Variants in CLVS1 observed in about 807,000 individuals in gnomAD.
CLVS1 encodes the protein clavesin-1.
Under a neutral mutation model 33.1 loss-of-function variants are expected in CLVS1, and 10 were observed. The observed-to-expected ratio is 0.30, with a 90% CI of 0.19 to 0.51. CLVS1 has a LOEUF of 0.51. CLVS1 is among the 20% of genes least tolerant of loss of function. The pLI is 0.97. For missense variants in CLVS1, 343 were observed against 433.4 expected (o/e 0.79, Z 1.85); for synonymous variants, 163 against 166.1 (o/e 0.98, Z 0.14).
chr8:61,204,567 G>A (rs186824318), intron 2 of CLVS1, among the ~76,000 whole-genome samples: 1 of 152,268 alleles, frequency 6.6e-6, no homozygotes, highest in African/African-American at 2.4e-5. Context: ...AAAGCATAAT[G>A]AGACTTCCTA....
intron 2 of CLVS1, among the ~76,000 whole-genome samples, chr8:61,171,101 T>C (rs184932398): frequency 6.6e-6 from 1 of 152,304 alleles, no homozygotes; most frequent in African/African-American, 2.4e-5. Context: ...GTTTCGCAGC[T>C]TTCTGTTAGT....
At chr8:61,144,635 G>A (rs1216986004) in intron 2 of CLVS1, among the ~76,000 whole-genome samples, 1 of 152,162 alleles carries the variant, frequency 6.6e-6, no homozygotes, top group East Asian at 1.9e-4. Flanking sequence ...TCGCCACACT[G>A]TCTTCCACAA....
intron 2 of CLVS1, among the ~76,000 whole-genome samples, chr8:61,324,686 G>T (rs555645915): frequency 6.6e-6 from 1 of 152,186 alleles, no homozygotes; most frequent in Admixed American, 6.5e-5. Context: ...CAAAAATGTT[G>T]ATAGTGATAT....
chr8:61,059,459 T>TATACATAC (rs995076225), intron 1 of CLVS1, among the ~76,000 whole-genome samples: 3 of 109,870 alleles, frequency 2.7e-5, no homozygotes, highest in African/African-American at 7.5e-5. Flanking sequence ...TACACACACA[T>TATACATAC]ATACATACAT....
the CLVS1 span, among the ~76,000 whole-genome samples, chr8:60,980,899 C>T: frequency 2.7e-4 from 41 of 151,102 alleles, no homozygotes; most frequent in Middle Eastern, 3.4e-3. Flanking sequence ...AAGAAAGCAC[C>T]CTCATAAGAG....
At chr8:61,260,134 A>T (rs1375479949) in intron 2 of CLVS1, among the ~76,000 whole-genome samples, 1 of 151,946 alleles carries the variant, frequency 6.6e-6, no homozygotes, top group African/African-American at 2.4e-5. Flanking sequence ...ACCTTTCTTT[A>T]TTACTCTATT....
intron 5 of CLVS1, among the ~76,000 whole-genome samples, chr8:61,487,426 G>A (rs1803924296): frequency 6.6e-6 from 1 of 152,220 alleles, no homozygotes; most frequent in African/African-American, 2.4e-5. Context: ...GCTAGTAGGT[G>A]GCAAAATATT....
intron 4 of CLVS1, among the ~76,000 whole-genome samples, chr8:61,455,862 A>G (rs2129607079): frequency 6.6e-6 from 1 of 152,304 alleles, no homozygotes; most frequent in East Asian, 1.9e-4. Flanking sequence ...TAGATCTCAG[A>G]TGCTTCCAGG....
chr8:61,320,339 TA>T (rs1350704352), intron 2 of CLVS1, among the ~76,000 whole-genome samples: 2 of 152,278 alleles, frequency 1.3e-5, no homozygotes, highest in Non-Finnish European at 2.9e-5. Context: ...ATTTTATTTT[TA>T]TTTGCTATTT....
intron 2 of CLVS1, among the ~76,000 whole-genome samples, chr8:61,214,558 T>A: frequency 6.6e-6 from 1 of 152,214 alleles, no homozygotes. Context: ...GGCAGCCATC[T>A]AAAGGCCATG....
At chr8:61,194,532 C>T (rs1255268896) in intron 2 of CLVS1, among the ~76,000 whole-genome samples, 1 of 151,898 alleles carries the variant, frequency 6.6e-6, no homozygotes, top group Non-Finnish European at 1.5e-5. Flanking sequence ...GAGAATTTAG[C>T]AATTTTAAGA....
At chr8:61,382,967 A>G (rs994438228) in intron 3 of CLVS1, among the ~76,000 whole-genome samples, 2 of 152,234 alleles carry the variant, frequency 1.3e-5, no homozygotes, top group African/African-American at 4.8e-5. Flanking sequence ...CATGCCTGGT[A>G]GACAGCCAGT....
the CLVS1 span, among the ~76,000 whole-genome samples, chr8:61,035,953 A>G: frequency 3.3e-5 from 5 of 152,284 alleles, no homozygotes; most frequent in Admixed American, 3.3e-4. Flanking sequence ...TGCTCTGGGT[A>G]GGTTGATACT....
intron 2 of CLVS1, among the ~76,000 whole-genome samples, chr8:61,305,969 T>C (rs1325754385): frequency 6.6e-6 from 1 of 152,204 alleles, no homozygotes; most frequent in Non-Finnish European, 1.5e-5. Flanking sequence ...ATTCCATGTC[T>C]TTGCTACTGT....
intron 5 of CLVS1, among the ~76,000 whole-genome samples, chr8:61,459,401 A>G (rs1462821982): frequency 6.6e-6 from 1 of 152,116 alleles, no homozygotes; most frequent in Non-Finnish European, 1.5e-5. Flanking sequence ...ATTCAGTTAC[A>G]TGGGTGAGCT....
intron 5 of CLVS1, among the ~76,000 whole-genome samples, chr8:61,484,693 A>C (rs1803802925): frequency 6.6e-6 from 1 of 152,234 alleles, no homozygotes; most frequent in Non-Finnish European, 1.5e-5. Flanking sequence ...ACTTCAAACT[A>C]TACTACAAGG....
At chr8:61,107,566 G>T (rs1244130738) in intron 1 of CLVS1, among the ~76,000 whole-genome samples, 2 of 152,168 alleles carry the variant, frequency 1.3e-5, no homozygotes, top group Non-Finnish European at 2.9e-5. Flanking sequence ...CCCCCAAAAT[G>T]CCTACTTCTT....
At chr8:61,389,507 C>A (rs1814216701) in intron 3 of CLVS1, among the ~76,000 whole-genome samples, 1 of 151,830 alleles carries the variant, frequency 6.6e-6, no homozygotes, top group Admixed American at 6.6e-5. Flanking sequence ...TGCACCCCTG[C>A]ACTCCAGCCT....
At chr8:61,178,584 G>A (rs1338189796) in intron 2 of CLVS1, among the ~76,000 whole-genome samples, 2 of 152,138 alleles carry the variant, frequency 1.3e-5, no homozygotes, top group Non-Finnish European at 2.9e-5. Flanking sequence ...AAAATGTTAA[G>A]GGCAGCCCGA....
Sources: allele counts gnomAD v4.1 joint callset (sites outside exome capture counted in the v4.1 genomes callset), GRCh38; gene constraint gnomAD v4.1.1; transcripts MANE v1.5; gene names NCBI Gene and HGNC (gene_info 2026-07-23, HGNC 2026-07-21).